Variants in TVP23A observed in about 807,000 individuals in gnomAD.
TVP23A encodes trans-golgi network vesicle protein 23 homolog A.
In TVP23A, 21 loss-of-function variants were observed where a neutral mutation model predicts 31.7. That is an observed-to-expected ratio of 0.66 (90% CI 0.47 to 0.95). The LOEUF (loss-of-function observed/expected upper bound fraction) is 0.95, where lower values mean the gene tolerates loss of function less well. Ranked by LOEUF, TVP23A falls within the 40% of genes least tolerant of loss-of-function variation. The probability of loss-of-function intolerance (pLI) is 0.00; values close to 1 mark genes in which losing one functional copy is unlikely to be tolerated. For missense variants in TVP23A, 279 were observed against 255.6 expected (o/e 1.09, Z -0.62); for synonymous variants, 104 against 96.0 (o/e 1.08, Z -0.49).
At chr16:10,797,376 T>C (rs942998077) in intron 2 of TVP23A, among the ~76,000 whole-genome samples, 2 of 147,770 alleles carry the variant, frequency 1.4e-5, no homozygotes, top group African/African-American at 5.0e-5. Context: ...CTAATAAAAA[T>C]GAAAACATAA....
At chr16:10,802,489 A>C (rs982055658) in intron 2 of TVP23A, among the ~76,000 whole-genome samples, 3 of 152,046 alleles carry the variant, frequency 2.0e-5, no homozygotes, top group African/African-American at 7.2e-5. Flanking sequence ...CATGTTGGCC[A>C]GGCTGGTCTC....
downstream of TVP23A, chr16:10,761,936 G>A (rs2270362): frequency 1.7e-4 from 194 of 1,159,238 alleles, 2 homozygotes; most frequent in East Asian, 4.3e-3. Context: ...AACAGGGGGC[G>A]GCTACAGAGA....
At chr16:10,806,502 TTTTTA>T (rs1377358878) in intron 2 of TVP23A, among the ~76,000 whole-genome samples, 2 of 152,122 alleles carry the variant, frequency 1.3e-5, no homozygotes, top group Non-Finnish European at 2.9e-5. Context: ...ATTTTATTGT[TTTTTA>T]TTTTATTTTA....
In TVP23A at chr16:10,767,401, A is replaced by G. The variant is rs17684746; in HGVS notation, c.*1701T>C. ...CAGATGACCTGGAAGATAAAATTAT[A>G]CACAGACAAAGCAGCAGGCAGAATG... is the stretch of plus-strand genomic sequence containing the variant. On this transcript the variant is annotated 3_prime_UTR_variant, in exon 8 of 8. Coordinates refer to ENST00000299866, the MANE Select transcript of TVP23A (RefSeq NM_001079512.4). This position sits in a 1 kb window ranked among gnomAD's most constrained non-coding sequence, Gnocchi z 4.6. The G allele has an allele frequency of 0.27, 106,680 of 400,282 alleles. 14,689 individuals carry two copies. The highest frequency in any genetic ancestry group is 0.34 in the South Asian group (2,691 of 7,864). 24.8% of individuals were successfully genotyped at this position (400,282 alleles called of 1,614,324 possible).
rs1271927297 is a variant in TVP23A, at chr16:10,818,142, C to G, written c.50G>C (p.Gly17Ala). 3 of 1,609,076 alleles carry G rather than the reference C, an allele frequency of 1.9e-6. No individual in the cohort carries two copies. The East Asian group carries it at 6.7e-5, about 36-fold the overall frequency. The change falls in exon 2 of 8, where the codon GGA becomes GCA. Residue 17 changes from glycine to alanine, a missense_variant. Physicochemically the swap from Gly to Ala is moderately conservative, Grantham distance 60. Coordinates refer to ENST00000299866, the MANE Select transcript of TVP23A (RefSeq NM_001079512.4). This position sits in a 1 kb window ranked among gnomAD's most constrained non-coding sequence, Gnocchi z 4.7. ...DDTEDVSLDFGNEEELAFRKA... is the reference protein window; with the variant it reads ...DDTEDVSLDFANEEELAFRKA... ...CCTAAAGGCCAGCTCCTCCTCGTTTCCAAAGTCCAGGGACACATCCTCGGT... is the reference window on the plus strand; with the variant it reads ...CCTAAAGGCCAGCTCCTCCTCGTTTGCAAAGTCCAGGGACACATCCTCGGT...
chr16:10,782,964 G>T (rs552677315), intron 2 of TVP23A, among the ~76,000 whole-genome samples: 2 of 152,160 alleles, frequency 1.3e-5, no homozygotes, highest in South Asian at 4.1e-4. Flanking sequence ...GAAGCAAACT[G>T]CCCCTACCTG....
rs79931567 is a variant in TVP23A at position 10,774,264 on chromosome 16, G to A, written c.235-136C>T. ...AAGAAAAAAGGCCTTGAATTGTAGT[G>A]GATTCTCAGATGTCAAGACTTCTAG... is the stretch of plus-strand genomic sequence containing the variant. On this transcript the variant is annotated intron_variant, in intron 3 of 7. Coordinates refer to ENST00000299866, the MANE Select transcript of TVP23A (RefSeq NM_001079512.4). 1.5e-4 allele frequency: 85 copies of A among 564,738 alleles called. No individual in the cohort carries two copies. In the East Asian group the frequency reaches 2.5e-3, roughly 16 times the overall value. 35.0% of individuals were successfully genotyped at this position (564,738 alleles called of 1,614,324 possible).
chr16:10,776,779 T>A (rs1365035873), intron 2 of TVP23A, among the ~76,000 whole-genome samples: 3 of 152,174 alleles, frequency 2.0e-5, no homozygotes, highest in Non-Finnish European at 4.4e-5. Flanking sequence ...TTCTTGATGA[T>A]ATGCTAAAGA....
chr16:10,802,926 T>C (rs1463825293), intron 2 of TVP23A, among the ~76,000 whole-genome samples: 1 of 152,190 alleles, frequency 6.6e-6, no homozygotes, highest in Non-Finnish European at 1.5e-5. Context: ...ATTAAGTTTA[T>C]GGTCAACACA....
intron 6 of TVP23A, among the ~76,000 whole-genome samples, chr16:10,770,787 C>G (rs2031540968): frequency 7.0e-6 from 1 of 143,808 alleles, no homozygotes; most frequent in African/African-American, 2.6e-5. Flanking sequence ...AGGAGAATCA[C>G]TTGAACCCGG....
chr16:10,757,386 G>C (rs1900630872), downstream of TVP23A, among the ~76,000 whole-genome samples: 2 of 152,246 alleles, frequency 1.3e-5, no homozygotes, highest in South Asian at 4.1e-4. This position sits in a 1 kb window ranked among gnomAD's most constrained non-coding sequence, Gnocchi z 4.1. Flanking sequence ...AGGTTGATCT[G>C]GTACTGAGAC....
chr16:10,772,477 C>T lies in TVP23A; in HGVS notation c.454-679G>A, dbSNP rs1025708851. 2.6e-5 allele frequency among the ~76,000 whole-genome samples: 4 copies of T among 151,734 alleles called. No individual in the cohort carries two copies. The South Asian group carries it at 8.3e-4, about 32-fold the overall frequency. On this transcript the variant is annotated intron_variant, in intron 5 of 7. Coordinates refer to ENST00000299866, the MANE Select transcript of TVP23A (RefSeq NM_001079512.4). ...CTCCGCCTCCTGGGTTCAAGCGATT[C>T]TCCTGCCTCAGCCTCCCAAGTAGCT...
chr16:10,781,380 G>C (rs1435854019), intron 2 of TVP23A, among the ~76,000 whole-genome samples: 2 of 151,970 alleles, frequency 1.3e-5, no homozygotes, highest in Non-Finnish European at 2.9e-5. Context: ...AGTGATGAAA[G>C]GGGGAAAGGG....
Position 10,818,440 on chromosome 16 carries a change from C to T in TVP23A, c.9+45G>A, listed in dbSNP as rs747340661. 1 of 1,594,970 alleles carries T rather than the reference C, an allele frequency of 6.3e-7. No homozygotes were observed. Among genetic ancestry groups the T allele is most frequent in the Middle Eastern group, 1.7e-4 (1 of 6,038 alleles). The stretch of plus-strand genomic sequence containing the variant: ...CTTCTCCAGCGCTCCCGCAGGCTCC[C>T]CTCGTCCCGCCCCGCCTCCAGCCCC... On this transcript the variant is annotated intron_variant, in intron 1 of 7. Transcript: ENST00000299866. This position sits in a 1 kb window ranked among gnomAD's most constrained non-coding sequence, Gnocchi z 4.7.
At chr16:10,761,300 G>A (rs765283235) in exon 9 of TVP23A, 87 of 1,470,600 alleles carry the variant, frequency 5.9e-5, no homozygotes, top group Non-Finnish European at 8.1e-5. Context: ...CATCCCCTCG[G>A]TTGCACAGAC....
downstream of TVP23A, among the ~76,000 whole-genome samples, chr16:10,758,353 G>C (rs1012372148): frequency 3.3e-5 from 5 of 152,132 alleles, no homozygotes; most frequent in Non-Finnish European, 5.9e-5. Context: ...CGCGCCTGTA[G>C]TTCCAGCTAC....
At chr16:10,762,548 C>T (rs561097766), downstream of TVP23A, among the ~76,000 whole-genome samples, 8 of 152,140 alleles carry the variant, frequency 5.3e-5, no homozygotes, top group African/African-American at 9.7e-5. Context: ...CCCAGGACCG[C>T]GGAGCCGGGC....
chr16:10,774,262 G>A, intron 3 of TVP23A, 134 bp from the exon 4 acceptor site: 1 of 583,358 alleles, frequency 1.7e-6, no homozygotes, highest in East Asian at 2.9e-5. Flanking sequence ...TTGAATTGTA[G>A]TGGATTCTCA....
At chr16:10,797,284 C>A (rs1377126828) in intron 2 of TVP23A, among the ~76,000 whole-genome samples, 1 of 151,618 alleles carries the variant, frequency 6.6e-6, no homozygotes, top group East Asian at 1.9e-4. Flanking sequence ...CCTTTGGGAG[C>A]CACTTTGGGA....
Sources: gnomAD v4.1 joint callset for allele counts (sites outside exome capture counted in the v4.1 genomes callset) on GRCh38, gnomAD v4.1.1 for gene constraint, Gnocchi (gnomAD v3.1) non-coding constraint, MANE v1.5 for transcripts, NCBI Gene and HGNC (gene_info 2026-07-23, HGNC 2026-07-21) for gene names.